PDLIM1: variants seen among roughly 807,000 people sequenced by gnomAD.
PDLIM1 encodes the protein PDZ and LIM domain 1, also known as PDZ and LIM domain protein 1.
A neutral mutation model predicts 35.2 loss-of-function variants in PDLIM1; 25 were observed. That is an observed-to-expected ratio of 0.71 (90% CI 0.52 to 0.99). The LOEUF is 0.99. Among genes scored for constraint, PDLIM1 ranks in the 50% least tolerant of loss-of-function variants. The pLI is 0.00. For missense variants in PDLIM1, 363 were observed against 415.3 expected, an observed-to-expected ratio of 0.87 and a Z score of 1.09; for synonymous variants, 152 against 154.0, an observed-to-expected ratio of 0.99 and a Z score of 0.10.
chr10:95,247,200 G>A lies in PDLIM1; in HGVS notation c.685+15C>T. On this transcript the variant is annotated intron_variant, in intron 5 of 6. Coordinates refer to ENST00000329399, the MANE Select transcript of PDLIM1 (RefSeq NM_020992.4). ...CCTTGAACAAGAGCCTCTGACTGCAGATGGAGCTGATTACCTTTTTCTTCA... is the reference window on the plus strand; with the variant it reads ...CCTTGAACAAGAGCCTCTGACTGCAAATGGAGCTGATTACCTTTTTCTTCA... The A allele has an allele frequency of 1.2e-6, 2 of 1,609,102 alleles. No individual in the cohort carries two copies. The highest frequency in any genetic ancestry group is 1.7e-6 in the Non-Finnish European group (2 of 1,177,624).
At chr10:95,256,625 C>A (rs2035312674) in intron 4 of PDLIM1, among the ~76,000 whole-genome samples, 2 of 152,148 alleles carry the variant, frequency 1.3e-5, no homozygotes, top group African/African-American at 4.8e-5. Context: ...GTTGGAAAAA[C>A]TGGATATTCA....
At chr10:95,278,264 G>A (rs1330166010) in intron 1 of PDLIM1, among the ~76,000 whole-genome samples, 3 of 152,226 alleles carry the variant, frequency 2.0e-5, no homozygotes, top group East Asian at 3.8e-4. Context: ...ATGCACCAAG[G>A]ATGAAAAGAA....
chr10:95,240,466 G>A (rs1250939679), intron 5 of PDLIM1, among the ~76,000 whole-genome samples: 1 of 152,164 alleles, frequency 6.6e-6, no homozygotes, highest in South Asian at 2.1e-4. Context: ...ACATGGTGGA[G>A]GGACAAGACA....
chr10:95,275,749 C>G (rs74454347), intron 1 of PDLIM1, among the ~76,000 whole-genome samples: 1,956 of 152,290 alleles, frequency 0.013, 22 homozygotes, highest in Non-Finnish European at 0.023. Flanking sequence ...GAATGTCCAG[C>G]ATTTGGTTCC....
intron 4 of PDLIM1, among the ~76,000 whole-genome samples, chr10:95,253,531 C>G (rs1431580610): frequency 6.6e-6 from 1 of 151,998 alleles, no homozygotes; most frequent in Admixed American, 6.6e-5. Flanking sequence ...GGCGGATGCC[C>G]GTTAATTCCA....
intron 3 of PDLIM1, among the ~76,000 whole-genome samples, chr10:95,267,063 A>C (rs2035422949): frequency 6.6e-6 from 1 of 152,252 alleles, no homozygotes; most frequent in Non-Finnish European, 1.5e-5. Flanking sequence ...CTGGAAGTAA[A>C]AGACTGGAAA....
chr10:95,240,245 T>C (rs942753539), intron 5 of PDLIM1, among the ~76,000 whole-genome samples: 1 of 152,184 alleles, frequency 6.6e-6, no homozygotes, highest in African/African-American at 2.4e-5. Flanking sequence ...TCAACCTAAA[T>C]TCCCATCAAT....
chr10:95,288,125 T>G (rs578250189), intron 1 of PDLIM1, among the ~76,000 whole-genome samples: 72 of 152,284 alleles, frequency 4.7e-4, no homozygotes, highest in African/African-American at 1.5e-3. Context: ...GATGCTTGCT[T>G]TATAATCATT....
In PDLIM1 at chr10:95,263,704, C is replaced by T. The variant is rs188939307; in HGVS notation, c.533+160G>A. Among the ~76,000 whole-genome samples the T allele has an allele frequency of 2.6e-5, 4 of 152,206 alleles. No homozygotes were observed. The East Asian group carries it at 7.7e-4, about 29-fold the overall frequency. ...ACCCTATAAAGCAGGAGGTATTGTC[C>T]CCTTTGTGTAGATGAAGAAAATGAA... is the stretch of plus-strand genomic sequence containing the variant. On this transcript the variant is annotated intron_variant, in intron 4 of 6. Transcript: ENST00000329399.
At chr10:95,277,914 GGAT>G (rs761191458) in intron 1 of PDLIM1, among the ~76,000 whole-genome samples, 8 of 152,106 alleles carry the variant, frequency 5.3e-5, no homozygotes, top group Non-Finnish European at 1.0e-4. Flanking sequence ...AAATAAAATC[GGAT>G]GATGATGTAG....
intron 5 of PDLIM1, among the ~76,000 whole-genome samples, chr10:95,241,543 T>C (rs34386561): frequency 0.16 from 25,109 of 152,196 alleles, 2,514 homozygotes; most frequent in Middle Eastern, 0.43. Context: ...TCAGGGATGC[T>C]GCTGAACATC....
chr10:95,255,173 G>A (rs2035299677), intron 4 of PDLIM1, among the ~76,000 whole-genome samples: 1 of 151,844 alleles, frequency 6.6e-6, no homozygotes, highest in East Asian at 1.9e-4. Flanking sequence ...GAAAAGCCCA[G>A]AACCAGATGG....
intron 4 of PDLIM1, among the ~76,000 whole-genome samples, chr10:95,259,427 AG>A (rs2035342885): frequency 6.6e-6 from 1 of 152,184 alleles, no homozygotes; most frequent in Non-Finnish European, 1.5e-5. Flanking sequence ...GAGATGTCCC[AG>A]CCTGATTACC....
At chr10:95,244,156 G>A (rs773598102) in intron 5 of PDLIM1, among the ~76,000 whole-genome samples, 3 of 152,072 alleles carry the variant, frequency 2.0e-5, no homozygotes, top group Non-Finnish European at 4.4e-5. Context: ...TCTTCTGCCT[G>A]CAAGTTTTGG....
At chr10:95,258,459 G>A (rs564567869) in intron 4 of PDLIM1, among the ~76,000 whole-genome samples, 18 of 151,952 alleles carry the variant, frequency 1.2e-4, no homozygotes, top group African/African-American at 4.1e-4. Flanking sequence ...CCAAGATCGC[G>A]CCACTGCACT....
At chr10:95,265,311 T>C (rs2035403551) in intron 3 of PDLIM1, among the ~76,000 whole-genome samples, 1 of 152,174 alleles carries the variant, frequency 6.6e-6, no homozygotes, top group Non-Finnish European at 1.5e-5. Flanking sequence ...ACTTCTCTTT[T>C]GGGCCGAGCG....
At chr10:95,274,492 T>TC (rs1460919017) in intron 1 of PDLIM1, among the ~76,000 whole-genome samples, 1 of 151,900 alleles carries the variant, frequency 6.6e-6, no homozygotes, top group Non-Finnish European at 1.5e-5. Flanking sequence ...TGGGGTTTTT[T>TC]CACCATGTTG....
In PDLIM1 at chr10:95,238,044, T is replaced by A. The variant is rs2035141656; in HGVS notation, c.871A>T (p.Thr291Ser). ...PECYVCTDCG[T>S]NLKQKGHFFV... is the part of the protein sequence containing the mutation. The stretch of plus-strand genomic sequence containing the variant: ...AAATGGCCCTTCTGTTTCAGGTTGG[T>A]GCCACAGTCAGTGCACACATAACAC... The change falls in exon 7 of 7, where the codon ACC becomes TCC. Residue 291 changes from threonine (T) to serine (S), a missense_variant. Physicochemically the swap from Thr to Ser is moderately conservative, Grantham distance 58. Transcript: ENST00000329399. 1 of 1,614,036 alleles carries A rather than the reference T, an allele frequency of 6.2e-7. No homozygotes were observed. Among genetic ancestry groups the A allele is most frequent in the South Asian group, 1.1e-5 (1 of 91,068 alleles).
intron 5 of PDLIM1, among the ~76,000 whole-genome samples, chr10:95,242,445 G>A (rs2035186692): frequency 6.6e-6 from 1 of 151,938 alleles, no homozygotes; most frequent in African/African-American, 2.4e-5. Flanking sequence ...CCAGCACTTT[G>A]GAAGACCAAG....
Sources: gnomAD v4.1 joint callset for allele counts (sites outside exome capture counted in the v4.1 genomes callset) on GRCh38, gnomAD v4.1.1 for gene constraint, MANE v1.5 for transcripts, NCBI Gene and HGNC (gene_info 2026-07-23, HGNC 2026-07-21) for gene names.